The following DNAI7 variants were observed in gnomAD, a reference collection of about 807,000 sequenced individuals.
DNAI7 encodes dynein axonemal intermediate chain 7, also known as cancer susceptibility 1.
Under a neutral mutation model 86.6 loss-of-function variants are expected in DNAI7, and 78 were observed. That is an observed-to-expected ratio of 0.90 (90% confidence interval 0.75 to 1.09). The LOEUF (loss-of-function observed/expected upper bound fraction) is 1.09. Ranked by LOEUF, DNAI7 falls within the 50% of genes least tolerant of loss-of-function variation. The pLI, the probability that DNAI7 is intolerant of heterozygous loss-of-function variation, is 0.00. For synonymous variants in DNAI7, 274 were observed against 273.0 expected, an observed-to-expected ratio of 1.00 and a Z score of -0.04; for missense variants, 753 against 810.2, an observed-to-expected ratio of 0.93 and a Z score of 0.86.
chr12:25,121,614 C>T, intron 11 of DNAI7, 139 bp downstream of exon 11: 1 of 627,842 alleles, frequency 1.6e-6, no homozygotes, highest in Non-Finnish European at 2.6e-6. Context: ...AATACCAATA[C>T]ATTTAAGACA....
intron 9 of DNAI7, among the ~76,000 whole-genome samples, chr12:25,128,451 C>T (rs1451398944): frequency 6.6e-6 from 1 of 152,154 alleles, no homozygotes; most frequent in Non-Finnish European, 1.5e-5. Flanking sequence ...AGGTCACACA[C>T]ATTGTACCGC....
intron 7 of DNAI7, among the ~76,000 whole-genome samples, chr12:25,147,315 T>C (rs1249773837): frequency 6.6e-6 from 1 of 152,196 alleles, no homozygotes; most frequent in Non-Finnish European, 1.5e-5. Flanking sequence ...TAAATATGCA[T>C]CTCCTTTTTC....
chr12:25,142,962 T>C (rs1298947198), intron 9 of DNAI7, among the ~76,000 whole-genome samples: 4 of 152,204 alleles, frequency 2.6e-5, no homozygotes, highest in Non-Finnish European at 5.9e-5. Flanking sequence ...GGAAATACTA[T>C]TGTCTCTAGT....
At position 25,144,345 on chromosome 12, in the gene DNAI7, T is replaced by C. The variant is rs921987224; in HGVS notation, c.1002+20A>G. The C allele has an allele frequency of 6.3e-7, 1 of 1,576,744 alleles. No individual in the cohort carries two copies. Among genetic ancestry groups the C allele is most frequent in the Non-Finnish European group, 8.7e-7 (1 of 1,151,060 alleles). Reference sequence around the variant, plus strand: ...CATGCTGCATGAATAAAAAAATGTGTATATTTAAATGTGTCCTACCATTTT... The same window carrying C: ...CATGCTGCATGAATAAAAAAATGTGCATATTTAAATGTGTCCTACCATTTT... On this transcript the variant is annotated intron_variant, in intron 9 of 15. Coordinates refer to ENST00000395987, the MANE Select transcript of DNAI7 (RefSeq NM_018272.5).
intron 6 of DNAI7, among the ~76,000 whole-genome samples, chr12:25,151,259 GTTA>G (rs546926567): frequency 5.9e-4 from 90 of 152,186 alleles, no homozygotes; most frequent in African/African-American, 1.9e-3. Flanking sequence ...ATCTCCTAGT[GTTA>G]TTATGAGAAC....
intron 5 of DNAI7, 21 bp downstream of exon 5, chr12:25,155,290 A>C: frequency 7.2e-7 from 1 of 1,395,148 alleles, no homozygotes; most frequent in Non-Finnish European, 1.0e-6. Flanking sequence ...GTATTAGCTA[A>C]AAAAGAGAAA....
At chr12:25,123,117 G>T in intron 10 of DNAI7, 94 bp downstream of exon 10, 1 of 768,962 alleles carries the variant, frequency 1.3e-6, no homozygotes, top group Non-Finnish European at 2.1e-6. Context: ...ATATATTTTT[G>T]CAATGTCTGA....
intron 9 of DNAI7, 110 bp downstream of exon 9, chr12:25,144,255 G>C: frequency 1.1e-6 from 1 of 873,154 alleles, no homozygotes; most frequent in South Asian, 1.7e-5. Context: ...CAAGAAAGTG[G>C]CTCCCAGACA....
chr12:25,136,668 A>G (rs1943593228), intron 9 of DNAI7, among the ~76,000 whole-genome samples: 1 of 152,216 alleles, frequency 6.6e-6, no homozygotes, highest in Admixed American at 6.5e-5. Flanking sequence ...AAAATGATAC[A>G]GGCGATGGAT....
intron 9 of DNAI7, among the ~76,000 whole-genome samples, chr12:25,133,067 A>C (rs1943118023): frequency 6.6e-6 from 1 of 152,076 alleles, no homozygotes; most frequent in African/African-American, 2.4e-5. Context: ...AAAGATAATA[A>C]AATAAGTTTC....
intron 2 of DNAI7, among the ~76,000 whole-genome samples, chr12:25,161,621 T>C (rs1426514796): frequency 6.6e-6 from 1 of 152,346 alleles, no homozygotes; most frequent in East Asian, 1.9e-4. Flanking sequence ...TTTTGCAAGC[T>C]TGGAAGAAGG....
At position 25,121,835 on chromosome 12, in the gene DNAI7, G is replaced by A; in HGVS notation, c.1157C>T (p.Thr386Ile). The change falls in exon 11 of 16, where the codon ACA becomes ATA. Residue 386 changes from threonine to isoleucine, a missense_variant. Physicochemically the swap from Thr to Ile is moderately conservative, Grantham distance 89. Transcript: ENST00000395987. Reference protein sequence around the residue: ...EDNVVDLCQFTTLGGVYHLDI... With the variant: ...EDNVVDLCQFITLGGVYHLDI... The stretch of plus-strand genomic sequence containing the variant: ...CAAGTGGTATACTCCACCCAGAGTT[G>A]TGAACTGGCATAAATCCACCACATT... 2 of 1,605,822 alleles carry A rather than the reference G, an allele frequency of 1.2e-6. No homozygotes were observed. Among genetic ancestry groups the A allele is most frequent in the East Asian group, 2.2e-5 (1 of 44,646 alleles).
chr12:25,107,540 G>A (rs1376530499), downstream of DNAI7, among the ~76,000 whole-genome samples: 1 of 150,064 alleles, frequency 6.7e-6, no homozygotes, highest in Non-Finnish European at 1.5e-5. Context: ...TTACCTTACT[G>A]AAAGAATGAG....
At chr12:25,123,163 G>A (rs1941582290) in intron 10 of DNAI7, 48 bp downstream of exon 10, 1 of 1,230,392 alleles carries the variant, frequency 8.1e-7, no homozygotes, top group Non-Finnish European at 1.1e-6. Flanking sequence ...TCTTCTGTAA[G>A]AAGAAAATCT....
chr12:25,160,977 AAGAT>A, intron 3 of DNAI7, 132 bp downstream of exon 3: 1 of 596,704 alleles, frequency 1.7e-6, no homozygotes, highest in African/African-American at 1.9e-5. Flanking sequence ...TACTTTCTAA[AAGAT>A]AGATACCTAT....
chr12:25,182,240 G>A (rs965437973), intron 2 of DNAI7, among the ~76,000 whole-genome samples: 22 of 151,036 alleles, frequency 1.5e-4, no homozygotes, highest in Non-Finnish European at 2.2e-4. Context: ...CCAGCTACTC[G>A]GGAGGCTGAG....
At position 25,123,234 on chromosome 12, in the gene DNAI7, A is replaced by T. The variant is rs1315805108; in HGVS notation, c.1055T>A (p.Val352Glu). 6.2e-7 allele frequency: 1 copy of T among 1,603,796 alleles called. No individual in the cohort carries two copies. The highest frequency in any genetic ancestry group is 8.5e-7 in the Non-Finnish European group (1 of 1,175,612). ...ACCTGCTGAAACAGTTTCACTTAAT[A>T]CTTTCATCTCTCGTTCACATTTTAT... ...EAIKCEREMK[V>E]LSETVSAAQL... Residue 352 changes from valine to glutamate, a missense_variant, in exon 10 of 16, where the codon GTA becomes GAA. Val to Glu is a moderately radical substitution (Grantham distance 121, BLOSUM62 -2). Coordinates refer to ENST00000395987, the MANE Select transcript of DNAI7 (RefSeq NM_018272.5).
chr12:25,163,535 C>T (rs996135825), intron 2 of DNAI7, among the ~76,000 whole-genome samples: 9 of 152,142 alleles, frequency 5.9e-5, no homozygotes, highest in Non-Finnish European at 1.3e-4. Context: ...ACTCTCTTTT[C>T]GGACTCAGCC....
At chr12:25,184,980 A>AAAAG (rs1555185851) in intron 2 of DNAI7, among the ~76,000 whole-genome samples, 5 of 150,746 alleles carry the variant, frequency 3.3e-5, no homozygotes, top group Admixed American at 6.6e-5. Context: ...AAAAAAAAAA[A>AAAAG]AAAGAAAGAA....
Sources: allele counts gnomAD v4.1 joint callset (sites outside exome capture counted in the v4.1 genomes callset), GRCh38; gene constraint gnomAD v4.1.1; transcripts MANE v1.5; gene names NCBI Gene and HGNC (gene_info 2026-07-23, HGNC 2026-07-21).